Variants in DNAH5 observed in about 807,000 individuals in gnomAD.
DNAH5 encodes dynein axonemal heavy chain 5, also known as axonemal beta dynein heavy chain 5.
In DNAH5, 372 loss-of-function variants were observed where a neutral mutation model predicts 518.2. That is an observed-to-expected ratio of 0.72 (90% CI 0.66 to 0.78). DNAH5 has a LOEUF of 0.78. DNAH5 is among the 30% of genes least tolerant of loss of function. The probability of loss-of-function intolerance (pLI) is 0.00; values close to 1 mark genes in which losing one functional copy is unlikely to be tolerated. For synonymous variants in DNAH5, 2,039 were observed against 2,025.9 expected (o/e 1.01, Z -0.17); for missense variants, 5,523 against 5,687.0 (o/e 0.97, Z 0.93).
intron 47 of DNAH5, among the ~76,000 whole-genome samples, chr5:13,798,470 T>A (rs1285209812): frequency 6.6e-6 from 1 of 152,142 alleles, no homozygotes; most frequent in Non-Finnish European, 1.5e-5. Flanking sequence ...AGGAATCCAC[T>A]AATGCATGAT....
intron 61 of DNAH5, among the ~76,000 whole-genome samples, chr5:13,756,096 T>A (rs1361770262): frequency 2.0e-5 from 3 of 152,128 alleles, no homozygotes; most frequent in East Asian, 3.9e-4. Context: ...GGTGACTGGC[T>A]CTCCAGCAGG....
chr5:13,841,164 A>G (rs549865762), intron 33 of DNAH5, 34 bp from the exon 34 acceptor site: 2 of 1,506,640 alleles, frequency 1.3e-6, no homozygotes, highest in East Asian at 2.3e-5. Flanking sequence ...ATGAATTTGT[A>G]TGGCATATTT....
rs187920944 is a variant in DNAH5, at chr5:13,787,819, A to G, written c.8647+897T>C. On this transcript the variant is annotated intron_variant, in intron 51 of 78. Transcript: ENST00000265104. ...AATTGCATCTCCAGAAATAAACATT[A>G]TTTTGCAATTGTCACTCAGAAACTT... Among the ~76,000 whole-genome samples, 9 of 152,320 alleles carry G rather than the reference A, an allele frequency of 5.9e-5. No homozygotes were observed. The East Asian group carries it at 1.2e-3, about 20-fold the overall frequency.
At chr5:13,790,657 C>A (rs944580451) in intron 50 of DNAH5, among the ~76,000 whole-genome samples, 4 of 152,184 alleles carry the variant, frequency 2.6e-5, no homozygotes, top group African/African-American at 9.6e-5. Flanking sequence ...CCACACTTCT[C>A]CTTCTTGCTA....
Position 13,777,330 on chromosome 5 carries a change from C to G in DNAH5, c.8977G>C (p.Glu2993Gln), listed in dbSNP as rs376013555. The change falls in exon 54 of 79, where the codon GAA (glutamate) becomes CAA (glutamine). Residue 2993 changes from glutamate to glutamine, a missense_variant. By Grantham distance (29) the Glu-to-Gln change is conservative (BLOSUM62 2). Coordinates refer to ENST00000265104, the MANE Select transcript of DNAH5 (RefSeq NM_001369.3). ...GTTCGATACAAAACCTTCAGATCTT[C>G]CATCAGATTTGATGTGTTGTAGGAT... ...TRSYNTSNLM[E>Q]DLKVLYRTAG... 4 of 1,613,144 alleles carry G rather than the reference C, an allele frequency of 2.5e-6. No individual in the cohort carries two copies. The African/African-American group carries it at 5.3e-5, about 22-fold the overall frequency.
intron 47 of DNAH5, among the ~76,000 whole-genome samples, chr5:13,803,123 C>A (rs761170859): frequency 6.6e-6 from 1 of 152,198 alleles, no homozygotes; most frequent in Non-Finnish European, 1.5e-5. Context: ...TATACACTAG[C>A]ACCTAAATCA....
At chr5:13,981,679 T>C (rs1314515154) in intron 1 of DNAH5, among the ~76,000 whole-genome samples, 2 of 152,376 alleles carry the variant, frequency 1.3e-5, no homozygotes, top group Non-Finnish European at 2.9e-5. Context: ...TGGGGATGTC[T>C]GAATGGCTGT....
At chr5:13,991,045 T>G (rs181133821) in intron 1 of DNAH5, among the ~76,000 whole-genome samples, 21 of 152,304 alleles carry the variant, frequency 1.4e-4, no homozygotes, top group Admixed American at 5.2e-4. Flanking sequence ...CAGAGCACAG[T>G]AGGTGTCGGG....
chr5:13,716,615 TATC>T lies in DNAH5; in HGVS notation c.12778_12780del (p.Asp4260del). On this transcript the variant is annotated inframe_deletion, in exon 74 of 79. Coordinates refer to ENST00000265104, the MANE Select transcript of DNAH5 (RefSeq NM_001369.3). ...TTAGCAAATGTGTTCAACAATCTCTTATCATAGTCGTCAGTGACTCTGCCTCCA... is the reference window on the plus strand; with the variant it reads ...TTAGCAAATGTGTTCAACAATCTCTTATAGTCGTCAGTGACTCTGCCTCCA... 1.2e-6 allele frequency: 2 copies of T among 1,613,932 alleles called. No individual in the cohort carries two copies. Among genetic ancestry groups the T allele is most frequent in the East Asian group, 2.2e-5 (1 of 44,854 alleles).
In DNAH5 at chr5:13,865,663, C is replaced by T. The variant is rs774366812; in HGVS notation, c.4355+5G>A. ...GCTGGGCATGCTAAACATTTAATTT[C>T]TTACCTGTTCTGGAATTCTAAGAGT... On this transcript the variant is annotated splice_donor_5th_base_variant and intron_variant, in intron 27 of 78. Coordinates refer to ENST00000265104, the MANE Select transcript of DNAH5 (RefSeq NM_001369.3). 14 of 1,515,858 alleles carry T rather than the reference C, an allele frequency of 9.2e-6. No homozygotes were observed. In the East Asian group the frequency reaches 2.9e-4, roughly 32 times the overall value. The allele number at this position is 1,515,858 out of a possible 1,614,324, so 93.9% of individuals were successfully genotyped here.
At chr5:13,741,471 T>C (rs537685159) in intron 65 of DNAH5, among the ~76,000 whole-genome samples, 7 of 152,316 alleles carry the variant, frequency 4.6e-5, no homozygotes, top group African/African-American at 1.2e-4. Flanking sequence ...GAAAGCTCCC[T>C]TAGTGGTTAT....
At position 13,713,302 on chromosome 5, in the gene DNAH5, CAT is replaced by C. The variant is rs779405853; in HGVS notation, c.13125+1101_13125+1102del. 7.0e-5 allele frequency among the ~76,000 whole-genome samples: 10 copies of C among 142,564 alleles called. No individual in the cohort carries two copies. In the East Asian group the frequency reaches 8.0e-4, roughly 11 times the overall value. 93.5% of individuals were successfully genotyped at this position (142,564 alleles called of 152,430 possible). On this transcript the variant is annotated intron_variant, in intron 75 of 78. Coordinates refer to ENST00000265104, the MANE Select transcript of DNAH5 (RefSeq NM_001369.3). ...ATATATACCAACATATATATACCGA[CAT>C]ATATATATACCGACATATATATACC...
chr5:13,871,895 T>A, intron 22 of DNAH5, 130 bp from the exon 23 acceptor site: 2 of 841,794 alleles, frequency 2.4e-6, no homozygotes, highest in Non-Finnish European at 3.8e-6. Flanking sequence ...TGTGATTATC[T>A]GGAAATGCCA....
intron 30 of DNAH5, among the ~76,000 whole-genome samples, chr5:13,858,794 A>G (rs899938612): frequency 1.3e-5 from 2 of 152,234 alleles, no homozygotes; most frequent in African/African-American, 4.8e-5. Flanking sequence ...ATTTAAAATA[A>G]TCATGCTTCT....
chr5:13,922,433 A>T, intron 4 of DNAH5, 105 bp from the exon 5 acceptor site: 1 of 1,195,996 alleles, frequency 8.4e-7, no homozygotes, highest in Non-Finnish European at 1.2e-6. Flanking sequence ...TACCCAGTAA[A>T]TTATTAGTTT....
At chr5:13,716,433 A>G in intron 74 of DNAH5, 54 bp downstream of exon 74, 1 of 1,330,444 alleles carries the variant, frequency 7.5e-7, no homozygotes, top group Non-Finnish European at 1.1e-6. Context: ...AATACCCAAA[A>G]CTCAAGTGGC....
At chr5:13,925,042 T>C (rs1777720632) in intron 3 of DNAH5, among the ~76,000 whole-genome samples, 1 of 152,168 alleles carries the variant, frequency 6.6e-6, no homozygotes, top group Non-Finnish European at 1.5e-5. Flanking sequence ...TTGGAACCTC[T>C]TGGAGTAATC....
rs916370106 is a variant in DNAH5 at position 13,707,165 on chromosome 5, C to T, written c.13338+958G>A. ...CAGGACCAACAGACACCGCTGACAG[C>T]GGGACGACGTGGAATTTGCTCAGGC... is the stretch of plus-strand genomic sequence containing the variant. On this transcript the variant is annotated intron_variant, in intron 76 of 78. Transcript: ENST00000265104. The surrounding 1 kb of genome is among the most constrained non-coding windows in gnomAD (Gnocchi z 4.0). 8.5e-5 allele frequency among the ~76,000 whole-genome samples: 13 copies of T among 152,322 alleles called. No homozygotes were observed. In the East Asian group the frequency reaches 9.7e-4, roughly 11 times the overall value.
chr5:13,803,163 A>G (rs1759043462), intron 47 of DNAH5, among the ~76,000 whole-genome samples: 1 of 152,190 alleles, frequency 6.6e-6, no homozygotes, highest in South Asian at 2.1e-4. Context: ...ACAATTAAAC[A>G]GAAATATAAA....
Sources: gnomAD v4.1 joint callset for allele counts (sites outside exome capture counted in the v4.1 genomes callset) on GRCh38, gnomAD v4.1.1 for gene constraint, Gnocchi (gnomAD v3.1) non-coding constraint, MANE v1.5 for transcripts, NCBI Gene and HGNC (gene_info 2026-07-23, HGNC 2026-07-21) for gene names.